Variants in SFXN5 observed in about 807,000 individuals in gnomAD.
SFXN5 encodes sideroflexin-5.
SFXN5 carries 43 observed loss-of-function variants against 50.2 expected under a neutral mutation model. The ratio of observed to expected loss-of-function variants is 0.86; its 90% confidence interval spans 0.67 to 1.11. SFXN5 has a LOEUF of 1.11. Ranked by LOEUF, SFXN5 falls within the 50% of genes least tolerant of loss-of-function variation. SFXN5 has a pLI of 0.00. For synonymous variants in SFXN5, 203 were observed against 185.8 expected, an observed-to-expected ratio of 1.09 and a Z score of -0.75; for missense variants, 463 against 454.1, an observed-to-expected ratio of 1.02 and a Z score of -0.18.
In SFXN5 at chr2:73,048,559, G is replaced by T. The variant is rs564262286; in HGVS notation, c.172-7628C>A. Among the ~76,000 whole-genome samples the T allele has an allele frequency of 2.2e-4, 34 of 152,228 alleles. No individual in the cohort carries two copies. In the South Asian group the frequency reaches 7.1e-3, roughly 32 times the overall value. The stretch of plus-strand genomic sequence containing the variant: ...CACATACATGGACCAAAATGTTAAT[G>T]GTGATTATTTCTAGCAGGTTGGATG... On this transcript the variant is annotated intron_variant, in intron 2 of 13. Transcript: ENST00000272433.
intron 11 of SFXN5, among the ~76,000 whole-genome samples, chr2:72,970,562 C>G (rs1346638466): frequency 2.0e-5 from 3 of 152,082 alleles, no homozygotes; most frequent in Non-Finnish European, 4.4e-5. Flanking sequence ...ACGGCTCCCC[C>G]CTAGCACCCA....
rs866974195 is a variant in SFXN5, at chr2:73,023,491, C to T, written c.250-277G>A. Among the ~76,000 whole-genome samples the T allele has an allele frequency of 2.0e-5, 3 of 152,146 alleles. 1 individual carries two copies. The South Asian group carries it at 6.2e-4, about 32-fold the overall frequency. Reference sequence around the variant, plus strand: ...TCAACTATGTCTGCACTTTAGAATTCCTTGGAGAATTTTTTCAGCATTTTC... The same window carrying T: ...TCAACTATGTCTGCACTTTAGAATTTCTTGGAGAATTTTTTCAGCATTTTC... On this transcript the variant is annotated intron_variant, in intron 3 of 13. Coordinates refer to ENST00000272433, the MANE Select transcript of SFXN5 (RefSeq NM_144579.3).
At chr2:73,052,365 T>TGTGTGTGTGTGTATGC (rs1681472113) in intron 2 of SFXN5, among the ~76,000 whole-genome samples, 1 of 110,080 alleles carries the variant, frequency 9.1e-6, no homozygotes, top group African/African-American at 5.3e-5. Context: ...TATGCGTGTG[T>TGTGTGTGTGTGTATGC]GTGTGTGTGT....
chr2:73,045,341 C>G lies in SFXN5; in HGVS notation c.172-4410G>C, dbSNP rs940472188. The stretch of plus-strand genomic sequence containing the variant: ...ACCTCAGCAATGCCCAAAGCCCCCC[C>G]AGAACTGATGGCCTCTGAGGCAGTG... On this transcript the variant is annotated intron_variant, in intron 2 of 13. Transcript: ENST00000272433. Among the ~76,000 whole-genome samples the G allele has an allele frequency of 2.8e-3, 430 of 152,230 alleles. 3 individuals carry two copies. The highest frequency in any genetic ancestry group is 2.1e-3 in the Non-Finnish European group (141 of 68,020).
intron 2 of SFXN5, among the ~76,000 whole-genome samples, chr2:73,052,442 T>C (rs773264501): frequency 2.3e-4 from 35 of 151,864 alleles, no homozygotes; most frequent in Non-Finnish European, 4.6e-4. Context: ...ACATAGTTCT[T>C]TGTCTTTTCC....
intron 1 of SFXN5, among the ~76,000 whole-genome samples, chr2:73,062,180 T>C (rs1286073167): frequency 6.6e-6 from 1 of 152,194 alleles, no homozygotes; most frequent in Non-Finnish European, 1.5e-5. Context: ...TAAGAGCTCC[T>C]GAAGGACATG....
chr2:73,020,677 C>T lies in SFXN5; in HGVS notation c.332-413G>A, dbSNP rs572998871. ...CAGAATGTCTTCCTTCTTGCCTCAG[C>T]TTGTCTTTCTAACACAGGCCCTTAC... is the stretch of plus-strand genomic sequence containing the variant. On this transcript the variant is annotated intron_variant, in intron 5 of 13. Transcript: ENST00000272433. 4.7e-5 allele frequency: 8 copies of T among 169,732 alleles called. No individual in the cohort carries two copies. The South Asian group carries it at 1.5e-3, about 33-fold the overall frequency. The allele number at this position is 169,732 out of a possible 1,614,324, so 10.5% of individuals were successfully genotyped here. A position where few individuals can be genotyped will look rare whatever the true frequency, so the allele number is the denominator to read the frequency against.
At chr2:73,059,268 C>G (rs1206142970) in intron 1 of SFXN5, 2 of 985,580 alleles carry the variant, frequency 2.0e-6, no homozygotes, top group Non-Finnish European at 2.4e-6. Context: ...GCTGCTGGGC[C>G]TTCTGCCCTG....
intron 6 of SFXN5, among the ~76,000 whole-genome samples, chr2:73,015,725 T>C (rs1395622120): frequency 6.6e-6 from 1 of 152,194 alleles, no homozygotes; most frequent in Non-Finnish European, 1.5e-5. Flanking sequence ...TGTTTGTTCT[T>C]TGGTGCAAAT....
chr2:73,049,843 T>C (rs1681001746), intron 2 of SFXN5: 1 of 152,194 alleles, frequency 6.6e-6, no homozygotes, highest in Middle Eastern at 3.4e-3. Flanking sequence ...AAATTAGGTA[T>C]GGATGAGACC....
At chr2:72,974,647 G>A (rs1036340475) in intron 10 of SFXN5, among the ~76,000 whole-genome samples, 4 of 152,180 alleles carry the variant, frequency 2.6e-5, no homozygotes, top group Non-Finnish European at 4.4e-5. Flanking sequence ...AGCACCTGCC[G>A]TATGCAGAGG....
intron 6 of SFXN5, among the ~76,000 whole-genome samples, chr2:73,006,732 C>T (rs924435195): frequency 2.0e-5 from 3 of 152,188 alleles, no homozygotes; most frequent in Admixed American, 6.5e-5. Flanking sequence ...ACTACATATG[C>T]GGAGTGACTA....
At chr2:72,974,352 G>A (rs1310968909) in intron 10 of SFXN5, among the ~76,000 whole-genome samples, 1 of 152,134 alleles carries the variant, frequency 6.6e-6, no homozygotes, top group Non-Finnish European at 1.5e-5. Flanking sequence ...AACATGCGGC[G>A]AGCAGGACAG....
chr2:73,012,675 C>T (rs1157615647), intron 6 of SFXN5, among the ~76,000 whole-genome samples: 1 of 149,966 alleles, frequency 6.7e-6, no homozygotes, highest in Non-Finnish European at 1.5e-5. Context: ...CACACACACA[C>T]ACACACACAC....
chr2:73,003,780 A>T (rs1213075640), intron 6 of SFXN5, among the ~76,000 whole-genome samples: 1 of 152,044 alleles, frequency 6.6e-6, no homozygotes, highest in Non-Finnish European at 1.5e-5. Context: ...AACAAACCAA[A>T]CTAGTATTTG....
At chr2:73,023,374 T>C (rs1006467805) in intron 3 of SFXN5, among the ~76,000 whole-genome samples, 160 bp from the exon 4 acceptor site, 1 of 152,114 alleles carries the variant, frequency 6.6e-6, no homozygotes, top group African/African-American at 2.4e-5. Flanking sequence ...AGCTGTCCTA[T>C]CCTGGGGGGG....
chr2:73,036,629 G>A (rs1410245326), intron 3 of SFXN5, among the ~76,000 whole-genome samples: 1 of 152,164 alleles, frequency 6.6e-6, no homozygotes, highest in Non-Finnish European at 1.5e-5. Flanking sequence ...AGGAGGAAAT[G>A]TGGCTTCATT....
chr2:73,040,959 G>A lies in SFXN5; in HGVS notation c.172-28C>T, dbSNP rs1330513633. The A allele has an allele frequency of 1.9e-6, 3 of 1,603,308 alleles. No individual in the cohort carries two copies. The South Asian group carries it at 3.3e-5, about 18-fold the overall frequency. Reference sequence around the variant, plus strand: ...GCAGAAGAAAGAAAAGAGACATTGAGGGGCACAGATCCAGGGCTCCCGCAA... The same window carrying A: ...GCAGAAGAAAGAAAAGAGACATTGAAGGGCACAGATCCAGGGCTCCCGCAA... On this transcript the variant is annotated intron_variant, in intron 2 of 13. Transcript: ENST00000272433.
Position 72,943,212 on chromosome 2 carries a change from G to C in SFXN5, c.*1810C>G, listed in dbSNP as rs1271718506. On this transcript the variant is annotated 3_prime_UTR_variant, in exon 14 of 14. Coordinates refer to ENST00000272433, the MANE Select transcript of SFXN5 (RefSeq NM_144579.3). ...AATGTGCTGCAGAGCCAGCTGGTGG[G>C]CACCAGCGGCTGGCAGAGAGGCAAC... The C allele has an allele frequency of 6.6e-6, 1 of 152,252 alleles. No homozygotes were observed. Among genetic ancestry groups the C allele is most frequent in the East Asian group, 1.9e-4 (1 of 5,194 alleles). The allele number at this position is 152,252 out of a possible 1,614,324, so 9.4% of individuals were successfully genotyped here. A position where few individuals can be genotyped will look rare whatever the true frequency, so the allele number is the denominator to read the frequency against.
Sources: allele counts gnomAD v4.1 joint callset (sites outside exome capture counted in the v4.1 genomes callset), GRCh38; gene constraint gnomAD v4.1.1; transcripts MANE v1.5; gene names NCBI Gene and HGNC (gene_info 2026-07-23, HGNC 2026-07-21).